Variants in GYS2 observed in about 807,000 individuals in gnomAD.
GYS2 encodes glycogen [starch] synthase, liver.
In GYS2, 80 loss-of-function variants were observed where a neutral mutation model predicts 85.6. That is an observed-to-expected ratio of 0.93 (90% CI 0.78 to 1.13). The LOEUF (loss-of-function observed/expected upper bound fraction) is 1.13, where lower values mean the gene tolerates loss of function less well. Among genes scored for constraint, GYS2 ranks in the 50% most tolerant of loss-of-function variants. The probability of loss-of-function intolerance (pLI) is 0.00; values close to 1 mark genes in which losing one functional copy is unlikely to be tolerated. For missense variants in GYS2, 881 were observed against 854.9 expected (o/e 1.03, Z -0.38); for synonymous variants, 328 against 300.7 (o/e 1.09, Z -0.94).
chr12:21,567,622 G>A (rs1395375266), intron 5 of GYS2, among the ~76,000 whole-genome samples: 5 of 150,352 alleles, frequency 3.3e-5, no homozygotes, highest in Non-Finnish European at 7.4e-5. Context: ...CAAGACCACA[G>A]AAATTAAGCA....
intron 8 of GYS2, among the ~76,000 whole-genome samples, chr12:21,559,941 T>G (rs1160945092): frequency 1.3e-5 from 2 of 152,116 alleles, no homozygotes; most frequent in Non-Finnish European, 2.9e-5. Context: ...AGCTTAAAAT[T>G]TTTTTGCTTC....
intron 1 of GYS2, among the ~76,000 whole-genome samples, chr12:21,582,550 A>G (rs1944521830): frequency 1.3e-5 from 2 of 151,956 alleles, no homozygotes; most frequent in African/African-American, 4.8e-5. Context: ...TCAATACTAC[A>G]TAATAAACTC....
At chr12:21,572,573 A>G (rs1443961198) in intron 4 of GYS2, among the ~76,000 whole-genome samples, 1 of 152,180 alleles carries the variant, frequency 6.6e-6, no homozygotes, top group Non-Finnish European at 1.5e-5. Flanking sequence ...TCTACTAGTC[A>G]TTTTGCTAGA....
Position 21,604,728 on chromosome 12 carries a change from T to C in GYS2, c.-136A>G, listed in dbSNP as rs961859806. ...TTGGTAGCTTCTCTTGGGAATAAAC[T>C]AGTAGCATGAAATCTTATGTGCTTC... On this transcript the variant is annotated 5_prime_UTR_variant, in exon 1 of 16. Coordinates refer to ENST00000261195, the MANE Select transcript of GYS2 (RefSeq NM_021957.4). The C allele has an allele frequency of 2.7e-6, 4 of 1,507,300 alleles. No individual in the cohort carries two copies. In the African/African-American group the frequency reaches 4.2e-5, roughly 16 times the overall value. The allele number at this position is 1,507,300 out of a possible 1,614,324, so 93.4% of individuals were successfully genotyped here. A position where few individuals can be genotyped will look rare whatever the true frequency, so the allele number is the denominator to read the frequency against.
intron 1 of GYS2, 78 bp downstream of exon 1, chr12:21,604,394 T>A (rs1944783941): frequency 1.1e-6 from 1 of 882,200 alleles, no homozygotes; most frequent in South Asian, 1.3e-5. Flanking sequence ...CACTAGAGAG[T>A]TATCTGTGAA....
Position 21,560,461 on chromosome 12 carries a change from A to G in GYS2, c.1094T>C (p.Phe365Ser). The change falls in exon 8 of 16, where the codon TTT becomes TCT. Residue 365 changes from phenylalanine (F) to serine (S), a missense_variant. Phe to Ser is a radical substitution (Grantham distance 155). Transcript: ENST00000261195. ...MHKSDITVMV[F>S]FIMPAKTNNF... ...ATTTGTCTTGGCAGGCATAATGAAA[A>G]ACACCATCACTGTGATGTCACTTTT... 6.3e-7 allele frequency: 1 copy of G among 1,594,656 alleles called. No homozygotes were observed. The highest frequency in any genetic ancestry group is 8.6e-7 in the Non-Finnish European group (1 of 1,162,230).
intron 11 of GYS2, among the ~76,000 whole-genome samples, chr12:21,548,100 TA>T (rs36045498): frequency 0.69 from 104,974 of 152,040 alleles, 37,839 homozygotes; most frequent in South Asian, 0.8. Flanking sequence ...TTTCCTTTGT[TA>T]ATGAGTAGAA....
intron 12 of GYS2, among the ~76,000 whole-genome samples, chr12:21,543,178 TTACTAGTCTCAAGGATGTC>T (rs1297285371): frequency 6.6e-6 from 1 of 152,216 alleles, no homozygotes; most frequent in Non-Finnish European, 1.5e-5. Flanking sequence ...CTTAAAAATT[TTACTAGTCTCAAGGATGTC>T]TACATTTTTA....
intron 1 of GYS2, among the ~76,000 whole-genome samples, chr12:21,581,516 T>A (rs1366494796): frequency 1.3e-5 from 2 of 152,120 alleles, no homozygotes; most frequent in Admixed American, 1.3e-4. Context: ...GAGATGTGAG[T>A]CTTGCCCAAG....
At chr12:21,598,119 T>A (rs1438568414) in intron 1 of GYS2, among the ~76,000 whole-genome samples, 5 of 152,000 alleles carry the variant, frequency 3.3e-5, no homozygotes, top group African/African-American at 1.2e-4. Context: ...AGAAGGAATA[T>A]GTTCTGATGT....
At position 21,551,485 on chromosome 12, in the gene GYS2, C is replaced by T. The variant is rs537219122; in HGVS notation, c.1423-5015G>A. The stretch of plus-strand genomic sequence containing the variant: ...TATCAATTTTAAATTGATTTTATCA[C>T]TTTATAATCTTATCATATGCCAAGG... On this transcript the variant is annotated intron_variant, in intron 11 of 15. Coordinates refer to ENST00000261195, the MANE Select transcript of GYS2 (RefSeq NM_021957.4). 1.2e-4 allele frequency among the ~76,000 whole-genome samples: 18 copies of T among 149,854 alleles called. No homozygotes were observed. In the East Asian group the frequency reaches 3.4e-3, roughly 28 times the overall value.
rs1454387673 is a variant in GYS2 at position 21,536,193 on chromosome 12, G to T, written c.*761C>A. 1 of 152,120 alleles carries T rather than the reference G, an allele frequency of 6.6e-6. No homozygotes were observed. The highest frequency in any genetic ancestry group is 2.1e-4 in the South Asian group (1 of 4,812). 9.4% of individuals were successfully genotyped at this position (152,120 alleles called of 1,614,324 possible). A position where few individuals can be genotyped will look rare whatever the true frequency, so the allele number is the denominator to read the frequency against. Reference sequence around the variant, plus strand: ...ACAAGGCATTACCAGTGAAAGTTAAGTTATTAAATATTAATGTGTTTATTT... The same window carrying T: ...ACAAGGCATTACCAGTGAAAGTTAATTTATTAAATATTAATGTGTTTATTT... On this transcript the variant is annotated 3_prime_UTR_variant, in exon 16 of 16. Coordinates refer to ENST00000261195, the MANE Select transcript of GYS2 (RefSeq NM_021957.4).
intron 5 of GYS2, among the ~76,000 whole-genome samples, chr12:21,567,112 T>C (rs1944330226): frequency 6.6e-6 from 1 of 152,148 alleles, no homozygotes; most frequent in African/African-American, 2.4e-5. Context: ...TAGATGACCC[T>C]GAATTCGATG....
chr12:21,578,507 C>G (rs1322760564), intron 2 of GYS2, among the ~76,000 whole-genome samples: 1 of 152,192 alleles, frequency 6.6e-6, no homozygotes, highest in African/African-American at 2.4e-5. Flanking sequence ...ACTATAAAGT[C>G]ATGACTACAT....
chr12:21,550,669 C>T (rs1442390135), intron 11 of GYS2, among the ~76,000 whole-genome samples: 1 of 152,096 alleles, frequency 6.6e-6, no homozygotes, highest in South Asian at 2.1e-4. Context: ...GGCCGGGTAC[C>T]GTGGCTCACT....
intron 14 of GYS2, 25 bp from the exon 15 acceptor site, chr12:21,539,363 G>A (rs1943946270): frequency 1.5e-6 from 2 of 1,357,370 alleles, no homozygotes; most frequent in South Asian, 1.2e-5. Flanking sequence ...CCAAATCACA[G>A]GTTAATAAAA....
intron 8 of GYS2, 67 bp downstream of exon 8, chr12:21,560,319 T>C: frequency 1.2e-6 from 1 of 865,626 alleles, no homozygotes; most frequent in Non-Finnish European, 2.0e-6. Context: ...ATACATGAGA[T>C]GTCATTCACT....
chr12:21,579,875 T>C (rs1489523191), intron 2 of GYS2, among the ~76,000 whole-genome samples: 2 of 152,208 alleles, frequency 1.3e-5, no homozygotes, highest in Non-Finnish European at 2.9e-5. Context: ...CCATTTGCTA[T>C]AAAAGGTAGC....
downstream of GYS2, among the ~76,000 whole-genome samples, chr12:21,534,523 AAAAG>A (rs1285161403): frequency 6.6e-6 from 1 of 152,250 alleles, no homozygotes; most frequent in Middle Eastern, 3.4e-3. Context: ...GTCAAAAAGA[AAAAG>A]AAAAAGAAGG....
Sources: gnomAD v4.1 joint callset for allele counts (sites outside exome capture counted in the v4.1 genomes callset) on GRCh38, gnomAD v4.1.1 for gene constraint, MANE v1.5 for transcripts, NCBI Gene and HGNC (gene_info 2026-07-23, HGNC 2026-07-21) for gene names.